The following KCND3 variants were observed in gnomAD, a reference collection of about 807,000 sequenced individuals.
The protein encoded by KCND3 is A-type voltage-gated potassium channel KCND3.
Under a neutral mutation model 51.1 loss-of-function variants are expected in KCND3, and 9 were observed. The observed-to-expected ratio is 0.18, with a 90% CI of 0.11 to 0.31. The LOEUF (loss-of-function observed/expected upper bound fraction) is 0.31. Among genes scored for constraint, KCND3 ranks in the 10% least tolerant of loss-of-function variants. The probability of loss-of-function intolerance (pLI) is 1.00; values close to 1 mark genes in which losing one functional copy is unlikely to be tolerated. For missense variants in KCND3, 526 were observed against 903.8 expected (o/e 0.58, Z 5.36); for synonymous variants, 349 against 368.0 (o/e 0.95, Z 0.59).
At chr1:111,816,193 A>C (rs1301187045) in intron 2 of KCND3, among the ~76,000 whole-genome samples, 4 of 152,234 alleles carry the variant, frequency 2.6e-5, no homozygotes, top group African/African-American at 9.6e-5. Context: ...GCAAACCCCT[A>C]CCACATGGCC....
chr1:111,828,476 C>T (rs954697082), intron 2 of KCND3, among the ~76,000 whole-genome samples: 1 of 151,428 alleles, frequency 6.6e-6, no homozygotes, highest in Non-Finnish European at 1.5e-5. Context: ...CTAGTTAGGC[C>T]AGATTCCTCA....
intron 2 of KCND3, among the ~76,000 whole-genome samples, chr1:111,965,662 G>C (rs921046451): frequency 6.6e-6 from 1 of 152,020 alleles, no homozygotes; most frequent in Non-Finnish European, 1.5e-5. Context: ...TCCCCTTGCA[G>C]CCCCTATCTG....
intron 2 of KCND3, among the ~76,000 whole-genome samples, chr1:111,788,645 G>A (rs1014953290): frequency 1.3e-5 from 2 of 152,184 alleles, no homozygotes; most frequent in Non-Finnish European, 2.9e-5. Context: ...TAAGGCCTGT[G>A]CTAGAGCCTT....
chr1:111,956,831 A>G (rs1429918719), intron 2 of KCND3, among the ~76,000 whole-genome samples: 1 of 152,128 alleles, frequency 6.6e-6, no homozygotes, highest in Non-Finnish European at 1.5e-5. Context: ...ATCCCTCCCT[A>G]CAGCACCTGG....
intron 3 of KCND3, among the ~76,000 whole-genome samples, chr1:111,785,646 G>C (rs1398385018): frequency 6.6e-6 from 1 of 152,168 alleles, no homozygotes; most frequent in Non-Finnish European, 1.5e-5. Flanking sequence ...AAATTGTTAT[G>C]TAATAATTAT....
intron 2 of KCND3, among the ~76,000 whole-genome samples, chr1:111,919,851 A>T (rs1007273966): frequency 1.3e-5 from 2 of 152,208 alleles, no homozygotes; most frequent in Non-Finnish European, 2.9e-5. Flanking sequence ...CCGATTTGAA[A>T]CAGGTGCCAC....
intron 2 of KCND3, among the ~76,000 whole-genome samples, chr1:111,815,557 C>T (rs1376667517): frequency 6.7e-6 from 1 of 150,114 alleles, no homozygotes; most frequent in Non-Finnish European, 1.5e-5. Flanking sequence ...CTGACTTTAG[C>T]AAGACTCCTG....
intron 2 of KCND3, among the ~76,000 whole-genome samples, chr1:111,831,345 G>C (rs1666824618): frequency 6.6e-6 from 1 of 152,130 alleles, no homozygotes; most frequent in African/African-American, 2.4e-5. Flanking sequence ...GATCCTGGGG[G>C]CAGATTTCTC....
chr1:111,844,013 C>T (rs11102344), intron 2 of KCND3, among the ~76,000 whole-genome samples: 22,129 of 152,004 alleles, frequency 0.15, 2,186 homozygotes, highest in East Asian at 0.51. Context: ...GTGGCCTGTA[C>T]GCAGCAGAGC....
intron 2 of KCND3, among the ~76,000 whole-genome samples, chr1:111,893,765 T>C (rs1353042714): frequency 6.6e-6 from 1 of 152,102 alleles, no homozygotes; most frequent in African/African-American, 2.4e-5. Flanking sequence ...GCCTTGAAGG[T>C]AAAGCCAGCA....
At chr1:111,787,569 T>C (rs1664657958) in intron 2 of KCND3, among the ~76,000 whole-genome samples, 1 of 151,992 alleles carries the variant, frequency 6.6e-6, no homozygotes, top group Non-Finnish European at 1.5e-5. Flanking sequence ...GATCTAGGAA[T>C]TGTCAAAGGG....
intron 3 of KCND3, among the ~76,000 whole-genome samples, chr1:111,781,531 T>C (rs965209993): frequency 2.0e-5 from 3 of 152,192 alleles, no homozygotes. Flanking sequence ...ATGGTTTTTT[T>C]ATTTTTTTGA....
intron 2 of KCND3, among the ~76,000 whole-genome samples, chr1:111,834,408 G>T (rs1479115964): frequency 6.6e-6 from 1 of 152,118 alleles, no homozygotes; most frequent in Non-Finnish European, 1.5e-5. Flanking sequence ...TAAACTTAAG[G>T]ATTTTCTCCC....
chr1:111,824,674 C>A (rs1666497121), intron 2 of KCND3, among the ~76,000 whole-genome samples: 1 of 152,134 alleles, frequency 6.6e-6, no homozygotes, highest in South Asian at 2.1e-4. Context: ...CCTCAGAAAA[C>A]CGACCCTCAG....
chr1:111,822,065 G>A (rs997289530), intron 2 of KCND3, among the ~76,000 whole-genome samples: 4 of 145,614 alleles, frequency 2.7e-5, no homozygotes, highest in African/African-American at 9.8e-5. Flanking sequence ...TCTGTATGTG[G>A]GGGCTCAAGC....
intron 2 of KCND3, among the ~76,000 whole-genome samples, chr1:111,879,866 G>A (rs1434561250): frequency 3.9e-5 from 6 of 152,130 alleles, no homozygotes; most frequent in Non-Finnish European, 5.9e-5. Flanking sequence ...GTGTGGTGGC[G>A]GTGGGGTGCT....
chr1:111,809,272 C>A (rs1025520866), intron 2 of KCND3, among the ~76,000 whole-genome samples: 6 of 152,000 alleles, frequency 3.9e-5, no homozygotes, highest in Admixed American at 2.0e-4. Flanking sequence ...AATGTCCTGG[C>A]CTTACCGGTT....
chr1:111,882,415 C>G (rs1377923372), intron 2 of KCND3, among the ~76,000 whole-genome samples: 2 of 152,232 alleles, frequency 1.3e-5, no homozygotes, highest in Non-Finnish European at 2.9e-5. Flanking sequence ...TGCTGCTGGT[C>G]TTCCCTGCCC....
intron 2 of KCND3, among the ~76,000 whole-genome samples, chr1:111,848,923 C>T (rs530618311): frequency 6.6e-6 from 1 of 152,300 alleles, no homozygotes; most frequent in South Asian, 2.1e-4. Flanking sequence ...TTGCTCTTCC[C>T]TTTTCCCCTG....
Sources: allele counts gnomAD v4.1 joint callset (sites outside exome capture counted in the v4.1 genomes callset), GRCh38; gene constraint gnomAD v4.1.1; transcripts MANE v1.5; gene names NCBI Gene and HGNC (gene_info 2026-07-23, HGNC 2026-07-21).